EIF4B: variants seen among roughly 807,000 people sequenced by gnomAD.
EIF4B encodes eukaryotic translation initiation factor 4B.
In EIF4B, 8 loss-of-function variants were observed where a neutral mutation model predicts 79.3. That is an observed-to-expected ratio of 0.10 (90% CI 0.06 to 0.18). The LOEUF is 0.18. Ranked by LOEUF, EIF4B falls within the 10% of genes least tolerant of loss-of-function variation. The pLI, the probability that EIF4B is intolerant of heterozygous loss-of-function variation, is 1.00. For missense variants in EIF4B, 515 were observed against 792.4 expected (o/e 0.65, Z 4.20); for synonymous variants, 238 against 274.7 (o/e 0.87, Z 1.32).
intron 4 of EIF4B, 153 bp from the exon 5 acceptor site, chr12:53,021,653 T>C (rs1417375787): frequency 2.1e-5 from 18 of 874,898 alleles, no homozygotes; most frequent in South Asian, 1.7e-4. Flanking sequence ...TAAAGGACTC[T>C]TTAGCCCACA....
intron 4 of EIF4B, among the ~76,000 whole-genome samples, chr12:53,020,474 C>T (rs1199627533): frequency 6.6e-6 from 1 of 152,160 alleles, no homozygotes; most frequent in Non-Finnish European, 1.5e-5. Context: ...GGAAACATTT[C>T]CTACAAAGGA....
At chr12:53,017,782 A>C (rs940891148) in intron 2 of EIF4B, among the ~76,000 whole-genome samples, 1 of 152,128 alleles carries the variant, frequency 6.6e-6, no homozygotes, top group Non-Finnish European at 1.5e-5. Flanking sequence ...TAGTAGAATC[A>C]GGGTTTTACC....
At chr12:53,009,143 C>A (rs544639704) in intron 1 of EIF4B, among the ~76,000 whole-genome samples, 1 of 152,190 alleles carries the variant, frequency 6.6e-6, no homozygotes, top group South Asian at 2.1e-4. Context: ...ATCTCAGTTT[C>A]TTTATCTGGA....
chr12:53,032,913 C>T (rs1034498929), intron 8 of EIF4B, among the ~76,000 whole-genome samples: 5 of 152,012 alleles, frequency 3.3e-5, no homozygotes, highest in African/African-American at 7.2e-5. Context: ...TCAGGTGATC[C>T]GCCCGCCTCA....
intron 9 of EIF4B, 61 bp from the exon 10 acceptor site, chr12:53,034,551 G>C (rs1377918695): frequency 2.0e-6 from 3 of 1,522,128 alleles, no homozygotes; most frequent in East Asian, 4.5e-5. Flanking sequence ...GGGTCAGCAT[G>C]GGTCTAAGGT....
intron 10 of EIF4B, 67 bp from the exon 11 acceptor site, chr12:53,037,342 T>G (rs1943556426): frequency 9.5e-4 from 1,431 of 1,509,196 alleles, no homozygotes; most frequent in Non-Finnish European, 1.2e-3. Context: ...TCCACACTGT[T>G]GAGATCCTGG....
rs1943643224 is a variant in EIF4B, at chr12:53,041,761, TAATG to T, written c.*1542_*1545del. The T allele has an allele frequency of 6.6e-6, 1 of 152,194 alleles. No homozygotes were observed. Among genetic ancestry groups the T allele is most frequent in the South Asian group, 2.1e-4 (1 of 4,832 alleles). 9.4% of individuals were successfully genotyped at this position (152,194 alleles called of 1,614,324 possible). On this transcript the variant is annotated 3_prime_UTR_variant, in exon 15 of 15. Transcript: ENST00000262056. ...TTTATGCGTGCTGCAGCAGTGGGCATAATGAATATAATTTACCCAGTGGACAAAG... is the reference window on the plus strand; with the variant it reads ...TTTATGCGTGCTGCAGCAGTGGGCATAATATAATTTACCCAGTGGACAAAG...
intron 4 of EIF4B, among the ~76,000 whole-genome samples, chr12:53,020,473 T>G (rs1379035352): frequency 6.6e-6 from 1 of 152,216 alleles, no homozygotes; most frequent in African/African-American, 2.4e-5. Flanking sequence ...TGGAAACATT[T>G]CCTACAAAGG....
chr12:53,014,134 G>T (rs1943110449), intron 1 of EIF4B, among the ~76,000 whole-genome samples: 1 of 150,576 alleles, frequency 6.6e-6, no homozygotes, highest in Non-Finnish European at 1.5e-5. Context: ...TGCAAAAAAA[G>T]AAAAAAGAAA....
At chr12:53,008,543 A>G (rs1308097060) in intron 1 of EIF4B, 1 of 152,208 alleles carries the variant, frequency 6.6e-6, no homozygotes, top group Non-Finnish European at 1.5e-5. Context: ...AAATACATAA[A>G]ACAACTTCAT....
chr12:53,031,049 C>T (rs1943435610), intron 8 of EIF4B, among the ~76,000 whole-genome samples: 1 of 152,114 alleles, frequency 6.6e-6, no homozygotes, highest in African/African-American at 2.4e-5. Context: ...GCTGCTGCTA[C>T]CTTCGTTGAG....
At chr12:53,027,481 A>T (rs1448685107) in intron 6 of EIF4B, among the ~76,000 whole-genome samples, 1 of 152,062 alleles carries the variant, frequency 6.6e-6, no homozygotes, top group East Asian at 1.9e-4. Context: ...GGGATCAAAC[A>T]TGGGAGATTC....
At chr12:53,023,578 ATTT>A (rs1210893432) in intron 6 of EIF4B, among the ~76,000 whole-genome samples, 4 of 109,214 alleles carry the variant, frequency 3.7e-5, no homozygotes, top group Non-Finnish European at 3.6e-5. Flanking sequence ...AAAATGTAAA[ATTT>A]TTTTTTTTTT....
intron 8 of EIF4B, among the ~76,000 whole-genome samples, chr12:53,032,669 G>GTTTTTTTTTTTTTT (rs779279397): frequency 1.5e-5 from 2 of 132,310 alleles, no homozygotes; most frequent in Non-Finnish European, 3.3e-5. Flanking sequence ...GGGTTTTTTT[G>GTTTTTTTTTTTTTT]TTTTTTTTTT....
rs1943369284 is a variant in EIF4B at position 53,028,024 on chromosome 12, C to G, written c.815C>G (p.Ser272Cys). The change falls in exon 8 of 15, where the codon TCC becomes TGC. Residue 272 changes from serine to cysteine, a missense_variant. Ser to Cys is a moderately radical substitution (Grantham distance 112, BLOSUM62 -1). Coordinates refer to ENST00000262056, the MANE Select transcript of EIF4B (RefSeq NM_001417.7). ...GSRDYDRGYD[S>C]RIGSGRRAFG... Reference sequence around the variant, plus strand: ...TGGGATATATTTACAGGCTATGATTCCCGGATAGGCAGTGGCAGAAGAGCA... The same window carrying G: ...TGGGATATATTTACAGGCTATGATTGCCGGATAGGCAGTGGCAGAAGAGCA... 1 of 1,610,666 alleles carries G rather than the reference C, an allele frequency of 6.2e-7. No homozygotes were observed.
chr12:53,031,645 G>A (rs145183781), intron 8 of EIF4B, among the ~76,000 whole-genome samples: 10 of 152,246 alleles, frequency 6.6e-5, no homozygotes, highest in East Asian at 5.8e-4. Flanking sequence ...CAAAAGTGAC[G>A]GGGCTATAAC....
At chr12:53,027,752 G>A in intron 6 of EIF4B, 30 bp from the exon 7 acceptor site, 2 of 1,600,002 alleles carry the variant, frequency 1.3e-6, no homozygotes, top group Non-Finnish European at 1.7e-6. Flanking sequence ...CAGAGAAAAG[G>A]GGATGGTGTT....
chr12:53,006,929 G>T (rs78152619), intron 1 of EIF4B, among the ~76,000 whole-genome samples: 210 of 151,148 alleles, frequency 1.4e-3, no homozygotes, highest in African/African-American at 4.8e-3. Context: ...GGACCGGAGT[G>T]GGGGGTAGGG....
In EIF4B at chr12:53,030,859, A is replaced by C. The variant is rs140710774; in HGVS notation, c.979+2671A>C. On this transcript the variant is annotated intron_variant, in intron 8 of 14. Transcript: ENST00000262056. Reference sequence around the variant, plus strand: ...TAAGACTTCTGTGTGGTATAGGTAAAATTACAAGTTAGAAAAGTGGAGGCT... The same window carrying C: ...TAAGACTTCTGTGTGGTATAGGTAACATTACAAGTTAGAAAAGTGGAGGCT... 1.9e-3 allele frequency among the ~76,000 whole-genome samples: 285 copies of C among 152,184 alleles called. 1 individual carries two copies. The highest frequency in any genetic ancestry group is 6.4e-3 in the African/African-American group (266 of 41,528).
Sources: gnomAD v4.1 joint callset for allele counts (sites outside exome capture counted in the v4.1 genomes callset) on GRCh38, gnomAD v4.1.1 for gene constraint, MANE v1.5 for transcripts, NCBI Gene and HGNC (gene_info 2026-07-23, HGNC 2026-07-21) for gene names.